STYX: variants seen among roughly 807,000 people sequenced by gnomAD.
STYX encodes the protein serine/threonine/tyrosine-interacting protein.
STYX carries 20 observed loss-of-function variants against 42.7 expected under a neutral mutation model. The observed-to-expected ratio is 0.47, with a 90% CI of 0.33 to 0.68. STYX has a LOEUF of 0.68. Among genes scored for constraint, STYX ranks in the 30% least tolerant of loss-of-function variants. The pLI is 0.02. For missense variants in STYX, 226 were observed against 268.5 expected (o/e 0.84, Z 1.11); for synonymous variants, 78 against 81.9 (o/e 0.95, Z 0.26).
rs774864591 is a variant in STYX, at chr14:52,730,172, C to CGGGCTGGTTCCT, written c.-301_-290dup. On this transcript the variant is annotated 5_prime_UTR_variant, in exon 1 of 11. Coordinates refer to ENST00000354586, the MANE Select transcript of STYX (RefSeq NM_145251.4). Reference sequence around the variant, plus strand: ...GGGAAGGAGGCGGGGAGACGGTTGTCGGGCTGGTTCCTGTGCTGGATCCTG... The same window carrying CGGGCTGGTTCCT: ...GGGAAGGAGGCGGGGAGACGGTTGTCGGGCTGGTTCCTGGGCTGGTTCCTGTGCTGGATCCTG... The CGGGCTGGTTCCT allele has an allele frequency of 8.3e-4, 363 of 439,116 alleles. 1 individual carries two copies. The highest frequency in any genetic ancestry group is 1.8e-3 in the Middle Eastern group (3 of 1,708). The allele number at this position is 439,116 out of a possible 1,614,324, so 27.2% of individuals were successfully genotyped here.
intron 9 of STYX, among the ~76,000 whole-genome samples, chr14:52,768,311 C>T (rs1266281173): frequency 3.9e-5 from 6 of 152,038 alleles, no homozygotes; most frequent in Admixed American, 6.6e-5. Context: ...TTTTTCATGC[C>T]GCTTCTCAGG....
At chr14:52,737,267 GTTTA>G (rs754473617) in intron 1 of STYX, among the ~76,000 whole-genome samples, 3 of 152,118 alleles carry the variant, frequency 2.0e-5, no homozygotes, top group Non-Finnish European at 4.4e-5. Flanking sequence ...TCATTGATGT[GTTTA>G]TTTGAGGGTC....
At chr14:52,731,428 G>C (rs936223428) in intron 1 of STYX, among the ~76,000 whole-genome samples, 6 of 134,826 alleles carry the variant, frequency 4.5e-5, no homozygotes, top group African/African-American at 1.7e-4. Flanking sequence ...TTCATTGGAG[G>C]TTCACTTTTT....
At chr14:52,756,517 A>G (rs1881872522) in intron 4 of STYX, 34 bp from the exon 5 acceptor site, 1 of 1,275,866 alleles carries the variant, frequency 7.8e-7, no homozygotes, top group Non-Finnish European at 1.1e-6. Flanking sequence ...TGTTTTACTT[A>G]AAGTGTGCTT....
intron 4 of STYX, among the ~76,000 whole-genome samples, chr14:52,752,705 T>TA: frequency 6.6e-6 from 1 of 152,146 alleles, no homozygotes; most frequent in Admixed American, 6.5e-5. Context: ...ATGTGTTGAG[T>TA]AAATATATAT....
chr14:52,749,715 C>T (rs1194677343), intron 3 of STYX, among the ~76,000 whole-genome samples: 5 of 152,172 alleles, frequency 3.3e-5, no homozygotes, highest in Non-Finnish European at 1.5e-5. Context: ...AACTTATTAT[C>T]TGGTAATTTC....
At chr14:52,763,024 CTGGGATTTACAGG>C (rs1882161520) in intron 9 of STYX, among the ~76,000 whole-genome samples, 1 of 151,134 alleles carries the variant, frequency 6.6e-6, no homozygotes, top group Non-Finnish European at 1.5e-5. Flanking sequence ...TCCAGAATAG[CTGGGATTTACAGG>C]TGCCTGCCAC....
intron 8 of STYX, among the ~76,000 whole-genome samples, chr14:52,758,194 AT>A (rs1197741178): frequency 1.3e-5 from 2 of 152,212 alleles, no homozygotes; most frequent in Non-Finnish European, 2.9e-5. Context: ...GTGACCACAA[AT>A]GTTAGTGCTT....
chr14:52,756,461 C>A (rs1881870391), intron 4 of STYX, 90 bp from the exon 5 acceptor site: 1 of 748,946 alleles, frequency 1.3e-6, no homozygotes, highest in Non-Finnish European at 2.2e-6. Context: ...GCATTCTTGC[C>A]ATGGTTAACA....
chr14:52,757,330 T>C lies in STYX; in HGVS notation c.315T>C (p.Phe105=), dbSNP rs755699933. 5.6e-6 allele frequency: 9 copies of C among 1,606,912 alleles called. No homozygotes were observed. ...IIRFFPMTKE[F]IDGSLQMGGK... Reference sequence around the variant, plus strand: ...TCTTTTGCCTCCAGACTAAGGAATTTATTGATGGGAGCTTACAAATGGGAG... The same window carrying C: ...TCTTTTGCCTCCAGACTAAGGAATTCATTGATGGGAGCTTACAAATGGGAG... The change falls in exon 6 of 11, where the codon TTT becomes TTC. Residue 105 remains phenylalanine (F), a synonymous_variant. Transcript: ENST00000354586.
chr14:52,740,868 T>C (rs988111174), intron 1 of STYX, among the ~76,000 whole-genome samples: 3 of 152,240 alleles, frequency 2.0e-5, no homozygotes, highest in Non-Finnish European at 4.4e-5. Context: ...TACAAGAACA[T>C]TCTATTAGCA....
chr14:52,744,580 T>A (rs1049719292), intron 1 of STYX, among the ~76,000 whole-genome samples: 2 of 152,222 alleles, frequency 1.3e-5, no homozygotes, highest in African/African-American at 4.8e-5. Flanking sequence ...GGAATATCTA[T>A]TCTATTCTTA....
chr14:52,747,499 T>C (rs553490929), intron 3 of STYX, among the ~76,000 whole-genome samples: 1 of 152,284 alleles, frequency 6.6e-6, no homozygotes, highest in East Asian at 1.9e-4. Context: ...GTTGGAAAGA[T>C]AGGGAGTTAG....
At chr14:52,734,503 G>T (rs183189716) in intron 1 of STYX, among the ~76,000 whole-genome samples, 1 of 152,208 alleles carries the variant, frequency 6.6e-6, no homozygotes, top group Non-Finnish European at 1.5e-5. Context: ...AGCATAATCA[G>T]GTTTGATCAA....
chr14:52,745,098 G>A (rs1312048210), intron 2 of STYX, among the ~76,000 whole-genome samples: 3 of 150,510 alleles, frequency 2.0e-5, no homozygotes, highest in Non-Finnish European at 3.0e-5. Context: ...TGCTTAATGA[G>A]TCACTTTCTC....
chr14:52,768,645 C>T (rs191579249), intron 9 of STYX, among the ~76,000 whole-genome samples, 195 bp from the exon 10 acceptor site: 34 of 152,008 alleles, frequency 2.2e-4, no homozygotes, highest in Middle Eastern at 3.4e-3. Flanking sequence ...AACTATTAGC[C>T]GGGCTTGATT....
chr14:52,732,656 G>A (rs1055445380), intron 1 of STYX, among the ~76,000 whole-genome samples: 2 of 151,918 alleles, frequency 1.3e-5, no homozygotes, highest in African/African-American at 4.8e-5. Flanking sequence ...TGTGAATGAA[G>A]AGTATGCTTT....
chr14:52,732,530 C>G (rs1225379051), intron 1 of STYX, among the ~76,000 whole-genome samples: 1 of 151,902 alleles, frequency 6.6e-6, no homozygotes, highest in Non-Finnish European at 1.5e-5. Context: ...GGCTTGGCCT[C>G]CCAAAGTGCA....
At chr14:52,738,758 G>T (rs7158496) in intron 1 of STYX, among the ~76,000 whole-genome samples, 3 of 152,202 alleles carry the variant, frequency 2.0e-5, no homozygotes, top group Non-Finnish European at 4.4e-5. Context: ...AAGAAGCTCA[G>T]TTTGCTCCTA....
Sources: allele counts gnomAD v4.1 joint callset (sites outside exome capture counted in the v4.1 genomes callset), GRCh38; gene constraint gnomAD v4.1.1; transcripts MANE v1.5; gene names NCBI Gene and HGNC (gene_info 2026-07-23, HGNC 2026-07-21).